Variants in LYPLAL1 observed in about 807,000 individuals in gnomAD.
LYPLAL1 encodes lysophospholipase-like protein 1.
In LYPLAL1, 23 loss-of-function variants were observed where a neutral mutation model predicts 19.7. The observed-to-expected ratio is 1.17, with a 90% CI of 0.84 to 1.65. LYPLAL1 has a LOEUF of 1.65. LYPLAL1 is among the 40% of genes most tolerant of loss of function. The pLI is 0.00. For missense variants in LYPLAL1, 355 were observed against 279.4 expected (o/e 1.27, Z -1.93); for synonymous variants, 119 against 96.3 (o/e 1.24, Z -1.38).
At chr1:219,403,824 A>G in the LYPLAL1 span, among the ~76,000 whole-genome samples, 1 of 152,134 alleles carries the variant, frequency 6.6e-6, no homozygotes, top group Non-Finnish European at 1.5e-5. Flanking sequence ...TATATATACA[A>G]CCTTTCTGCC....
At chr1:219,221,456 C>T in the LYPLAL1 span, among the ~76,000 whole-genome samples, 70 of 152,300 alleles carry the variant, frequency 4.6e-4, no homozygotes, top group African/African-American at 1.6e-3. Context: ...TTTTTGGACC[C>T]TTTTCACTTT....
At chr1:219,370,573 A>G in the LYPLAL1 span, among the ~76,000 whole-genome samples, 2 of 152,206 alleles carry the variant, frequency 1.3e-5, no homozygotes, top group East Asian at 3.8e-4. Flanking sequence ...TGCTAACTGC[A>G]TCAAGCACCA....
At chr1:219,230,243 G>A in the LYPLAL1 span, among the ~76,000 whole-genome samples, 2 of 152,144 alleles carry the variant, frequency 1.3e-5, no homozygotes, top group East Asian at 3.9e-4. Flanking sequence ...CTCCCGAGCA[G>A]CTGGGACTAC....
chr1:219,177,875 A>G (rs1387844441), intron 1 of LYPLAL1, among the ~76,000 whole-genome samples: 1 of 152,166 alleles, frequency 6.6e-6, no homozygotes, highest in Non-Finnish European at 1.5e-5. Flanking sequence ...CAGATTTGTC[A>G]CGTTCCTACA....
the LYPLAL1 span, among the ~76,000 whole-genome samples, chr1:219,285,721 T>A: frequency 2.0e-5 from 3 of 151,694 alleles, no homozygotes; most frequent in Non-Finnish European, 4.4e-5. Context: ...TGAGGGGAGG[T>A]AGGAATGGAA....
At chr1:219,261,285 A>G in the LYPLAL1 span, among the ~76,000 whole-genome samples, 2 of 152,090 alleles carry the variant, frequency 1.3e-5, no homozygotes, top group Non-Finnish European at 1.5e-5. Flanking sequence ...TAAATCTCTC[A>G]TCGTCCTGTG....
chr1:219,365,236 CAGTT>C, the LYPLAL1 span, among the ~76,000 whole-genome samples: 1 of 152,052 alleles, frequency 6.6e-6, no homozygotes, highest in Non-Finnish European at 1.5e-5. Flanking sequence ...AAGTGATCCT[CAGTT>C]AGACAAGGTG....
rs1228939721 is a variant in LYPLAL1, at chr1:219,211,988, A to C, written c.*260A>C. On this transcript the variant is annotated 3_prime_UTR_variant, in exon 5 of 5. Coordinates refer to ENST00000366928, the MANE Select transcript of LYPLAL1 (RefSeq NM_138794.5). ...ATTTAAACTTTTAAATTTTTGAAAT[A>C]AAGTATTCTAAACTAATATAAATAA... The C allele has an allele frequency of 3.8e-6, 1 of 262,922 alleles. No homozygotes were observed. Among genetic ancestry groups the C allele is most frequent in the African/African-American group, 2.2e-5 (1 of 44,982 alleles). The allele number at this position is 262,922 out of a possible 1,614,324, so 16.3% of individuals were successfully genotyped here. A position where few individuals can be genotyped will look rare whatever the true frequency, so the allele number is the denominator to read the frequency against.
the LYPLAL1 span, among the ~76,000 whole-genome samples, chr1:219,302,814 T>G: frequency 6.6e-6 from 1 of 152,176 alleles, no homozygotes; most frequent in South Asian, 2.1e-4. Flanking sequence ...TTCTCCTCTT[T>G]GAAGATCTTC....
At chr1:219,320,866 G>A in the LYPLAL1 span, among the ~76,000 whole-genome samples, 1 of 152,192 alleles carries the variant, frequency 6.6e-6, no homozygotes, top group African/African-American at 2.4e-5. Context: ...TTGGTTCCAA[G>A]TCTTTGCTAT....
At chr1:219,413,547 C>T in the LYPLAL1 span, among the ~76,000 whole-genome samples, 2 of 152,032 alleles carry the variant, frequency 1.3e-5, no homozygotes, top group African/African-American at 4.8e-5. Flanking sequence ...CCTCTGAGGC[C>T]TGAGAGAAAA....
At chr1:219,247,092 A>T in the LYPLAL1 span, among the ~76,000 whole-genome samples, 1 of 152,204 alleles carries the variant, frequency 6.6e-6, no homozygotes, top group Non-Finnish European at 1.5e-5. Context: ...ACATGTAATT[A>T]TGTGCCTAAT....
At chr1:219,196,006 A>G (rs1657569198) in intron 3 of LYPLAL1, among the ~76,000 whole-genome samples, 1 of 152,026 alleles carries the variant, frequency 6.6e-6, no homozygotes, top group Non-Finnish European at 1.5e-5. Flanking sequence ...AAAAGACATG[A>G]TCTTGTTCCT....
the LYPLAL1 span, among the ~76,000 whole-genome samples, chr1:219,297,474 T>C: frequency 2.5e-4 from 38 of 152,304 alleles, no homozygotes; most frequent in African/African-American, 8.7e-4. Context: ...TGTGTCTGTT[T>C]TGGGCAGTGT....
the LYPLAL1 span, among the ~76,000 whole-genome samples, chr1:219,283,883 G>T: frequency 2.0e-5 from 3 of 152,142 alleles, no homozygotes; most frequent in Admixed American, 6.6e-5. Flanking sequence ...GATGTTCTAT[G>T]CCTGGGCACT....
the LYPLAL1 span, among the ~76,000 whole-genome samples, chr1:219,220,968 A>T: frequency 6.6e-6 from 1 of 152,216 alleles, no homozygotes; most frequent in Admixed American, 6.5e-5. Flanking sequence ...GAGACGTCAC[A>T]GGGCAGATGT....
At chr1:219,202,696 G>T (rs1658213778) in intron 3 of LYPLAL1, among the ~76,000 whole-genome samples, 1 of 151,864 alleles carries the variant, frequency 6.6e-6, no homozygotes, top group Non-Finnish European at 1.5e-5. Context: ...ATTTTTTTTT[G>T]AAACAGGGTC....
the LYPLAL1 span, among the ~76,000 whole-genome samples, chr1:219,343,015 C>G: frequency 2.0e-5 from 3 of 152,094 alleles, no homozygotes; most frequent in African/African-American, 7.2e-5. Context: ...TGATAGTGGT[C>G]AATAGGTGGG....
chr1:219,211,694 C>A lies in LYPLAL1; in HGVS notation c.680C>A (p.Thr227Lys), dbSNP rs936170589. 2 of 1,609,486 alleles carry A rather than the reference C, an allele frequency of 1.2e-6. No individual in the cohort carries two copies. Among genetic ancestry groups the A allele is most frequent in the Admixed American group, 1.7e-5 (1 of 59,216 alleles). The change falls in exon 5 of 5, where the codon ACA becomes AAA. Residue 227 changes from threonine to lysine, a missense_variant. Coordinates refer to ENST00000366928, the MANE Select transcript of LYPLAL1 (RefSeq NM_138794.5). ...ELDILKLWIL[T>K]KLPGEMEKQK The stretch of plus-strand genomic sequence containing the variant: ...GACATATTGAAGTTATGGATTCTTA[C>A]AAAGCTGCCAGGAGAAATGGAAAAA...
Sources: allele counts gnomAD v4.1 joint callset (sites outside exome capture counted in the v4.1 genomes callset), GRCh38; gene constraint gnomAD v4.1.1; transcripts MANE v1.5; gene names NCBI Gene and HGNC (gene_info 2026-07-23, HGNC 2026-07-21).